The following DHX15 variants were observed in gnomAD, a reference collection of about 807,000 sequenced individuals.
DHX15 encodes the protein ATP-dependent RNA helicase DHX15.
Under a neutral mutation model 94.4 loss-of-function variants are expected in DHX15, and 11 were observed. The observed-to-expected ratio is 0.12, with a 90% CI of 0.07 to 0.19. The LOEUF (loss-of-function observed/expected upper bound fraction) is 0.19, where lower values mean the gene tolerates loss of function less well. DHX15 is among the 10% of genes least tolerant of loss of function. DHX15 has a pLI of 1.00. For missense variants in DHX15, 304 were observed against 988.5 expected (o/e 0.31, Z 9.29); for synonymous variants, 338 against 329.9 (o/e 1.02, Z -0.27).
At position 24,584,487 on chromosome 4, in the gene DHX15, A is replaced by T; in HGVS notation, c.-94T>A. Reference sequence around the variant, plus strand: ...AGCCACTTAACTCTGGAGGACCCCCACCCCTCCCGCTACTACAGCCCACAC... The same window carrying T: ...AGCCACTTAACTCTGGAGGACCCCCTCCCCTCCCGCTACTACAGCCCACAC... On this transcript the variant is annotated 5_prime_UTR_variant, in exon 1 of 14. Coordinates refer to ENST00000336812, the MANE Select transcript of DHX15 (RefSeq NM_001358.3). 1 of 1,222,140 alleles carries T rather than the reference A, an allele frequency of 8.2e-7. No homozygotes were observed. Among genetic ancestry groups the T allele is most frequent in the Middle Eastern group, 1.9e-4 (1 of 5,250 alleles). The allele number at this position is 1,222,140 out of a possible 1,614,324, so 75.7% of individuals were successfully genotyped here. A position where few individuals can be genotyped will look rare whatever the true frequency, so the allele number is the denominator to read the frequency against.
chr4:24,533,601 A>C (rs1321005671), intron 11 of DHX15: 1 of 157,074 alleles, frequency 6.4e-6, no homozygotes, highest in Non-Finnish European at 1.4e-5. Flanking sequence ...ACCTCCACTC[A>C]TGTTTAATAA....
chr4:24,577,411 CTGAAAT>C (rs1722296890), intron 1 of DHX15, among the ~76,000 whole-genome samples: 1 of 152,142 alleles, frequency 6.6e-6, no homozygotes, highest in Non-Finnish European at 1.5e-5. Context: ...ATTAAAAAAA[CTGAAAT>C]TAAAACTTTT....
chr4:24,559,823 G>A (rs937858352), intron 3 of DHX15, among the ~76,000 whole-genome samples: 3 of 152,118 alleles, frequency 2.0e-5, no homozygotes, highest in African/African-American at 7.2e-5. Context: ...AATTTTGAAG[G>A]TGAGGCATAG....
intron 5 of DHX15, among the ~76,000 whole-genome samples, chr4:24,553,958 C>T (rs1721667105): frequency 6.6e-6 from 1 of 152,158 alleles, no homozygotes; most frequent in African/African-American, 2.4e-5. Flanking sequence ...ATGGCTCACG[C>T]CTGTAATCCC....
At chr4:24,542,334 C>A (rs1577335521) in intron 7 of DHX15, among the ~76,000 whole-genome samples, 1 of 152,076 alleles carries the variant, frequency 6.6e-6, no homozygotes, top group South Asian at 2.1e-4. Context: ...GCTGGGCAGT[C>A]AAGGATTCTG....
At chr4:24,566,670 A>G (rs560927576) in intron 3 of DHX15, among the ~76,000 whole-genome samples, 1 of 152,198 alleles carries the variant, frequency 6.6e-6, no homozygotes, top group East Asian at 1.9e-4. Context: ...TACTAAAAAT[A>G]CAAAAAGTAG....
chr4:24,577,543 T>C (rs6826015), intron 1 of DHX15, among the ~76,000 whole-genome samples: 35,211 of 152,050 alleles, frequency 0.23, 5,144 homozygotes, highest in Non-Finnish European at 0.33. Flanking sequence ...ATAGCCAAAT[T>C]AAAAATAAGC....
At chr4:24,540,681 T>A (rs1479587134) in intron 9 of DHX15, among the ~76,000 whole-genome samples, 159 bp downstream of exon 9, 1 of 152,090 alleles carries the variant, frequency 6.6e-6, no homozygotes, top group Non-Finnish European at 1.5e-5. Context: ...ACTGTCACCT[T>A]TTTTAGTTTT....
At chr4:24,572,416 G>A (rs541645238) in intron 2 of DHX15, among the ~76,000 whole-genome samples, 3 of 152,186 alleles carry the variant, frequency 2.0e-5, no homozygotes, top group East Asian at 3.9e-4. Context: ...GATTATAGGC[G>A]TGAGCCACCA....
chr4:24,537,848 T>C lies in DHX15; in HGVS notation c.1787-675A>G, dbSNP rs1721227064. 6.6e-6 allele frequency: 1 copy of C among 152,160 alleles called. No individual in the cohort carries two copies. 9.4% of individuals were successfully genotyped at this position (152,160 alleles called of 1,614,324 possible). ...AAGGCTGGGATATTCAGCCTAGTGTTTCAGCATTTTAACAAAAGGATTAGA... is the reference window on the plus strand; with the variant it reads ...AAGGCTGGGATATTCAGCCTAGTGTCTCAGCATTTTAACAAAAGGATTAGA... On this transcript the variant is annotated intron_variant, in intron 10 of 13. Transcript: ENST00000336812. The surrounding 1 kb of genome is among the most constrained non-coding windows in gnomAD (Gnocchi z 4.7).
intron 6 of DHX15, among the ~76,000 whole-genome samples, chr4:24,547,918 T>TAG (rs1695786394): frequency 3.9e-5 from 2 of 51,646 alleles, no homozygotes; most frequent in African/African-American, 1.8e-4. Flanking sequence ...TATATATATA[T>TAG]ATATATATAT....
intron 3 of DHX15, among the ~76,000 whole-genome samples, chr4:24,558,507 A>G (rs1309559948): frequency 3.9e-5 from 6 of 152,154 alleles, no homozygotes; most frequent in African/African-American, 1.2e-4. Flanking sequence ...ATGGCAGACT[A>G]TAAATATTAT....
At chr4:24,540,034 A>G in intron 10 of DHX15, 74 bp downstream of exon 10, 2 of 1,193,634 alleles carry the variant, frequency 1.7e-6, no homozygotes, top group African/African-American at 1.6e-5. Context: ...TAAAAATTAA[A>G]AAACAAAAAC....
intron 1 of DHX15, among the ~76,000 whole-genome samples, chr4:24,579,489 G>A (rs927947855): frequency 1.3e-5 from 2 of 152,258 alleles, no homozygotes; most frequent in East Asian, 1.9e-4. Context: ...TTAAAAACTG[G>A]TATCAAGTCA....
chr4:24,547,413 A>G (rs542708671), intron 6 of DHX15, among the ~76,000 whole-genome samples: 1 of 152,356 alleles, frequency 6.6e-6, no homozygotes, highest in East Asian at 1.9e-4. Flanking sequence ...ACAAAAAGCA[A>G]AACAGAAACA....
At chr4:24,553,334 A>G (rs1006814653) in intron 5 of DHX15, among the ~76,000 whole-genome samples, 10 of 151,986 alleles carry the variant, frequency 6.6e-5, no homozygotes, top group Non-Finnish European at 1.0e-4. Flanking sequence ...ATAAATAAAT[A>G]ATAAAACAAA....
At chr4:24,564,112 C>T (rs1721945540) in intron 3 of DHX15, among the ~76,000 whole-genome samples, 1 of 144,596 alleles carries the variant, frequency 6.9e-6, no homozygotes, top group African/African-American at 2.6e-5. Flanking sequence ...CAGTATAGAA[C>T]AGGAAATAAA....
Position 24,537,918 on chromosome 4 carries a change from G to C in DHX15, c.1787-745C>G, listed in dbSNP as rs1240949363. The C allele has an allele frequency of 6.6e-6, 1 of 152,066 alleles. No individual in the cohort carries two copies. Among genetic ancestry groups the C allele is most frequent in the Admixed American group, 6.6e-5 (1 of 15,264 alleles). The allele number at this position is 152,066 out of a possible 1,614,324, so 9.4% of individuals were successfully genotyped here. ...AAAAAGAAAAAAAACAAACTTATTT[G>C]AATCAAAACCTCAATATAAAAGCAA... On this transcript the variant is annotated intron_variant, in intron 10 of 13. Coordinates refer to ENST00000336812, the MANE Select transcript of DHX15 (RefSeq NM_001358.3). The surrounding 1 kb of genome is among the most constrained non-coding windows in gnomAD (Gnocchi z 4.7).
At chr4:24,534,610 T>C (rs912153479) in intron 11 of DHX15, among the ~76,000 whole-genome samples, 2 of 152,130 alleles carry the variant, frequency 1.3e-5, no homozygotes, top group African/African-American at 4.8e-5. Flanking sequence ...GCCAAACCAT[T>C]TGTCTGATTT....
Sources: gnomAD v4.1 joint callset for allele counts (sites outside exome capture counted in the v4.1 genomes callset) on GRCh38, gnomAD v4.1.1 for gene constraint, Gnocchi (gnomAD v3.1) non-coding constraint, MANE v1.5 for transcripts, NCBI Gene and HGNC (gene_info 2026-07-23, HGNC 2026-07-21) for gene names.